The following FGGY variants were observed in gnomAD, a reference collection of about 807,000 sequenced individuals.
FGGY encodes the protein FGGY carbohydrate kinase domain containing.
In FGGY, 72 loss-of-function variants were observed where a neutral mutation model predicts 71.3. The observed-to-expected ratio is 1.01, with a 90% CI of 0.84 to 1.23. FGGY has a LOEUF of 1.23. Among genes scored for constraint, FGGY ranks in the 50% most tolerant of loss-of-function variants. FGGY has a pLI of 0.00. For missense variants in FGGY, 668 were observed against 682.3 expected (o/e 0.98, Z 0.23); for synonymous variants, 251 against 250.3 (o/e 1.00, Z -0.02).
intron 6 of FGGY, among the ~76,000 whole-genome samples, chr1:59,466,288 A>G (rs1297598828): frequency 1.3e-5 from 2 of 152,210 alleles, no homozygotes; most frequent in East Asian, 3.8e-4. Flanking sequence ...GTGCTGGGAA[A>G]ACTGGCTAGC....
At chr1:59,721,090 C>A (rs370611387) in intron 14 of FGGY, among the ~76,000 whole-genome samples, 1 of 152,116 alleles carries the variant, frequency 6.6e-6, no homozygotes, top group South Asian at 2.1e-4. Flanking sequence ...CAGAGAGATG[C>A]CATTCCTAGT....
chr1:59,671,590 A>G (rs1420360928), intron 13 of FGGY, among the ~76,000 whole-genome samples: 1 of 152,182 alleles, frequency 6.6e-6, no homozygotes, highest in Non-Finnish European at 1.5e-5. Flanking sequence ...CAGTGGATTG[A>G]TTTCACCCTG....
chr1:59,404,898 C>T (rs1379575729), intron 5 of FGGY, among the ~76,000 whole-genome samples: 2 of 152,142 alleles, frequency 1.3e-5, no homozygotes, highest in South Asian at 2.1e-4. Context: ...CCGCTGAGCT[C>T]ACATCCACGC....
chr1:59,647,097 C>G (rs941150577), intron 11 of FGGY, among the ~76,000 whole-genome samples: 1 of 151,886 alleles, frequency 6.6e-6, no homozygotes, highest in African/African-American at 2.4e-5. Context: ...GACTGAGGGG[C>G]GAATCAGGTG....
intron 6 of FGGY, among the ~76,000 whole-genome samples, chr1:59,475,330 C>T (rs575844518): frequency 6.6e-6 from 1 of 152,194 alleles, no homozygotes; most frequent in African/African-American, 2.4e-5. Context: ...CAATCTTTAG[C>T]TTTTTTTCCA....
At chr1:59,348,542 G>C (rs2052592061) in intron 4 of FGGY, among the ~76,000 whole-genome samples, 2 of 152,146 alleles carry the variant, frequency 1.3e-5, no homozygotes, top group Admixed American at 6.6e-5. Context: ...AAAACCTCTA[G>C]GTGGTCTGGA....
intron 6 of FGGY, among the ~76,000 whole-genome samples, chr1:59,510,040 CTT>C (rs10608143): frequency 3.1e-4 from 44 of 139,854 alleles, no homozygotes; most frequent in Non-Finnish European, 4.9e-4. Flanking sequence ...TTTCTTTTTT[CTT>C]TTTTTTTTTT....
intron 4 of FGGY, among the ~76,000 whole-genome samples, chr1:59,369,073 G>A (rs1251265231): frequency 6.6e-6 from 1 of 152,192 alleles, no homozygotes; most frequent in Non-Finnish European, 1.5e-5. Context: ...AGGTCAGTGG[G>A]TGCAGCGCAC....
chr1:59,449,562 C>T (rs112815750), intron 5 of FGGY, among the ~76,000 whole-genome samples: 3,704 of 152,278 alleles, frequency 0.024, 165 homozygotes, highest in African/African-American at 0.085. Flanking sequence ...GGATTATAGG[C>T]GTGAGCCACC....
At chr1:59,320,934 TGAGTAGACCTA>T (rs1409324600) in intron 1 of FGGY, among the ~76,000 whole-genome samples, 1 of 152,232 alleles carries the variant, frequency 6.6e-6, no homozygotes, top group Non-Finnish European at 1.5e-5. Flanking sequence ...TTTGAATTTA[TGAGTAGACCTA>T]GCTAGCATTA....
chr1:59,613,135 G>A (rs1051966528), intron 9 of FGGY, among the ~76,000 whole-genome samples: 8 of 152,148 alleles, frequency 5.3e-5, no homozygotes, highest in Non-Finnish European at 8.8e-5. Flanking sequence ...ACTCAGCTCT[G>A]CACCAAGTGG....
At chr1:59,436,478 C>T (rs933797672) in intron 5 of FGGY, among the ~76,000 whole-genome samples, 5 of 151,942 alleles carry the variant, frequency 3.3e-5, no homozygotes, top group African/African-American at 7.3e-5. Flanking sequence ...CTGCCCATGG[C>T]CCCTACAACA....
At chr1:59,480,234 A>C (rs1317347863) in intron 6 of FGGY, among the ~76,000 whole-genome samples, 4 of 152,158 alleles carry the variant, frequency 2.6e-5, no homozygotes, top group Non-Finnish European at 5.9e-5. Flanking sequence ...TTTTAGGGCA[A>C]AAACCAAAAA....
At chr1:59,363,966 A>G (rs2056097553) in intron 4 of FGGY, among the ~76,000 whole-genome samples, 1 of 152,224 alleles carries the variant, frequency 6.6e-6, no homozygotes, top group Admixed American at 6.5e-5. Context: ...AGTGGTGTAA[A>G]TGAACAAGTA....
At chr1:59,346,466 G>A in intron 4 of FGGY, 68 bp downstream of exon 4, 3 of 1,546,722 alleles carry the variant, frequency 1.9e-6, no homozygotes, top group South Asian at 2.4e-5. Context: ...TGGACCTGTA[G>A]GTACCAGGCA....
chr1:59,564,511 G>A (rs975055332), intron 8 of FGGY, among the ~76,000 whole-genome samples: 13 of 152,328 alleles, frequency 8.5e-5, no homozygotes, highest in South Asian at 2.1e-4. Context: ...TTTCATCCAG[G>A]ACCATGAGGC....
intron 14 of FGGY, among the ~76,000 whole-genome samples, chr1:59,731,581 T>C (rs2098030138): frequency 6.6e-6 from 1 of 151,552 alleles, no homozygotes; most frequent in East Asian, 1.9e-4. Flanking sequence ...AGCAGTGGGG[T>C]TAGTTGTTTT....
At chr1:59,311,777 C>T (rs1374903907) in intron 1 of FGGY, among the ~76,000 whole-genome samples, 1 of 152,128 alleles carries the variant, frequency 6.6e-6, no homozygotes, top group African/African-American at 2.4e-5. Context: ...ATTGCTGGGT[C>T]AAGTGGTATT....
intron 5 of FGGY, among the ~76,000 whole-genome samples, chr1:59,434,059 C>T (rs1286372416): frequency 1.3e-5 from 2 of 152,196 alleles, no homozygotes; most frequent in African/African-American, 4.8e-5. Flanking sequence ...GTCCTGTCTA[C>T]CTCCATGGGA....
Sources: gnomAD v4.1 joint callset for allele counts (sites outside exome capture counted in the v4.1 genomes callset) on GRCh38, gnomAD v4.1.1 for gene constraint, MANE v1.5 for transcripts, NCBI Gene and HGNC (gene_info 2026-07-23, HGNC 2026-07-21) for gene names.